The following AFAP1L1 variants were observed in gnomAD, a reference collection of about 807,000 sequenced individuals.
AFAP1L1 encodes the protein actin filament-associated protein 1-like 1.
In AFAP1L1, 77 loss-of-function variants were observed where a neutral mutation model predicts 99.8. The observed-to-expected ratio is 0.77, with a 90% confidence interval of 0.64 to 0.93. The LOEUF is 0.93. AFAP1L1 is among the 40% of genes least tolerant of loss of function. The pLI is 0.00. For synonymous variants in AFAP1L1, 373 were observed against 395.3 expected, an observed-to-expected ratio of 0.94 and a Z score of 0.67; for missense variants, 893 against 996.8, an observed-to-expected ratio of 0.90 and a Z score of 1.40.
At chr5:149,283,774 G>A (rs1755593495) in intron 1 of AFAP1L1, among the ~76,000 whole-genome samples, 1 of 152,182 alleles carries the variant, frequency 6.6e-6, no homozygotes, top group African/African-American at 2.4e-5. Context: ...AACCAAGGGG[G>A]ATTTTTTTTT....
At chr5:149,279,344 C>G (rs1015982549) in intron 1 of AFAP1L1, among the ~76,000 whole-genome samples, 2 of 151,642 alleles carry the variant, frequency 1.3e-5, no homozygotes, top group Middle Eastern at 6.8e-3. Context: ...TGAGTGACCA[C>G]AGATCAGGGA....
intron 9 of AFAP1L1, 122 bp from the exon 10 acceptor site, chr5:149,315,699 C>T (rs1274702945): frequency 1.2e-6 from 1 of 800,940 alleles, no homozygotes; most frequent in Non-Finnish European, 2.1e-6. Flanking sequence ...TAGTTGCTGA[C>T]AAACATTTGT....
intron 1 of AFAP1L1, among the ~76,000 whole-genome samples, chr5:149,278,327 C>T (rs1000434812): frequency 6.6e-6 from 1 of 152,194 alleles, no homozygotes; most frequent in South Asian, 2.1e-4. Context: ...ATCACACCCT[C>T]CACTGAGAAC....
At chr5:149,339,643 C>G (rs556711810) in intron 18 of AFAP1L1, among the ~76,000 whole-genome samples, 1 of 152,158 alleles carries the variant, frequency 6.6e-6, no homozygotes, top group East Asian at 1.9e-4. Context: ...AGACTTGGCC[C>G]ACAGACTATC....
Position 149,299,492 on chromosome 5 carries a change from T to C in AFAP1L1, c.17-17T>C. On this transcript the variant is annotated splice_polypyrimidine_tract_variant and intron_variant, in intron 1 of 18. Transcript: ENST00000296721. The stretch of plus-strand genomic sequence containing the variant: ...GACTGTGCAGCTGTGACTGTGCCCG[T>C]CTGCCTTCCTCCGCAGTGCTGGAGC... The C allele has an allele frequency of 6.2e-7, 1 of 1,613,696 alleles. No individual in the cohort carries two copies. The highest frequency in any genetic ancestry group is 8.5e-7 in the Non-Finnish European group (1 of 1,179,878).
chr5:149,281,446 A>G (rs1481637102), intron 1 of AFAP1L1, among the ~76,000 whole-genome samples: 1 of 152,092 alleles, frequency 6.6e-6, no homozygotes, highest in Non-Finnish European at 1.5e-5. Context: ...GGTTACCACC[A>G]CCCTCCTCAG....
intron 6 of AFAP1L1, among the ~76,000 whole-genome samples, chr5:149,307,011 C>A (rs868018020): frequency 3.0e-4 from 45 of 152,230 alleles, no homozygotes; most frequent in Middle Eastern, 6.8e-3. Context: ...CTTTGGGAGG[C>A]CAAGGCAGGT....
Position 149,302,434 on chromosome 5 carries a change from C to T in AFAP1L1, c.344C>T (p.Pro115Leu), listed in dbSNP as rs770998304. The T allele has an allele frequency of 2.5e-6, 4 of 1,589,300 alleles. No homozygotes were observed. The South Asian group carries it at 4.6e-5, about 18-fold the overall frequency. ...PRLRNAADLP[P>L]PLPNKPPPED... is the part of the protein sequence containing the mutation. ...CCCTTGCAGGCGGCCGACCTGCCTC[C>T]ACCGCTCCCCAACAAGCCTCCCCCT... Residue 115 changes from proline (P) to leucine (L), a missense_variant, in exon 5 of 19, where the codon CCA (proline) becomes CTA (leucine). Coordinates refer to ENST00000296721, the MANE Select transcript of AFAP1L1 (RefSeq NM_152406.4).
intron 5 of AFAP1L1, among the ~76,000 whole-genome samples, chr5:149,306,074 C>T (rs932396275): frequency 1.3e-5 from 2 of 152,064 alleles, no homozygotes; most frequent in African/African-American, 2.4e-5. Context: ...GAATACAGGC[C>T]GGGAGATATG....
At chr5:149,327,982 C>A (rs1251687804) in intron 15 of AFAP1L1, among the ~76,000 whole-genome samples, 1 of 152,086 alleles carries the variant, frequency 6.6e-6, no homozygotes, top group Non-Finnish European at 1.5e-5. Flanking sequence ...AGGAGATCTA[C>A]AAAAGAGACA....
chr5:149,305,347 A>G (rs1180140634), intron 5 of AFAP1L1, among the ~76,000 whole-genome samples: 4 of 152,250 alleles, frequency 2.6e-5, no homozygotes, highest in African/African-American at 9.6e-5. Flanking sequence ...TGAGCTTCAA[A>G]GTATGTTCCA....
Position 149,306,189 on chromosome 5 carries a change from A to G in AFAP1L1, c.437-117A>G, listed in dbSNP as rs192781201. On this transcript the variant is annotated intron_variant, in intron 5 of 18. Coordinates refer to ENST00000296721, the MANE Select transcript of AFAP1L1 (RefSeq NM_152406.4). ...CCTCACACCCTGGCCTGAGCTGCTC[A>G]GAGTGCCTGCTGTCTCTTCCCTGAG... The G allele has an allele frequency of 1.6e-3, 1,251 of 788,058 alleles. 7 individuals carry two copies. The highest frequency in any genetic ancestry group is 1.0e-3 in the Non-Finnish European group (509 of 494,758). 48.8% of individuals were successfully genotyped at this position (788,058 alleles called of 1,614,324 possible). A position where few individuals can be genotyped will look rare whatever the true frequency, so the allele number is the denominator to read the frequency against.
chr5:149,319,640 C>T lies in AFAP1L1; in HGVS notation c.1538C>T (p.Ser513Phe). 2 of 1,613,214 alleles carry T rather than the reference C, an allele frequency of 1.2e-6. No individual in the cohort carries two copies. Among genetic ancestry groups the T allele is most frequent in the Non-Finnish European group, 1.7e-6 (2 of 1,179,996 alleles). Reference sequence around the variant, plus strand: ...GGGCTGCTGCTGGTGGAGATGGGCTCCAGAGTCACTCCGGAGGCGCTGCAC... The same window carrying T: ...GGGCTGCTGCTGGTGGAGATGGGCTTCAGAGTCACTCCGGAGGCGCTGCAC... Reference protein sequence around the residue: ...WLGLLLVEMGSRVTPEALHYD... With the variant: ...WLGLLLVEMGFRVTPEALHYD... The change falls in exon 13 of 19, where the codon TCC becomes TTC. Residue 513 changes from serine to phenylalanine, a missense_variant. Transcript: ENST00000296721.
rs115269073 is a variant in AFAP1L1 at position 149,334,988 on chromosome 5, C to T, written c.2155-606C>T. ...CCTTGCACAGTAATTTGACCTTCCC[C>T]ATTTCCTCACCTATAAAATGGAATG... On this transcript the variant is annotated intron_variant, in intron 17 of 18. Coordinates refer to ENST00000296721, the MANE Select transcript of AFAP1L1 (RefSeq NM_152406.4). Among the ~76,000 whole-genome samples, 299 of 152,288 alleles carry T rather than the reference C, an allele frequency of 2.0e-3. 3 individuals are homozygous for T. The highest frequency in any genetic ancestry group is 6.9e-3 in the African/African-American group (286 of 41,560).
At chr5:149,339,898 C>A in intron 18 of AFAP1L1, 109 bp from the exon 19 acceptor site, 1 of 1,218,906 alleles carries the variant, frequency 8.2e-7, no homozygotes, top group Non-Finnish European at 1.2e-6. Flanking sequence ...GAACCCAACG[C>A]AACCTGGCTA....
At chr5:149,315,546 C>G in intron 9 of AFAP1L1, 1 of 404,506 alleles carries the variant, frequency 2.5e-6, no homozygotes. Context: ...CTGCCAAATA[C>G]AGTCCAAATT....
At chr5:149,304,511 C>G (rs1265588453) in intron 5 of AFAP1L1, among the ~76,000 whole-genome samples, 1 of 152,214 alleles carries the variant, frequency 6.6e-6, no homozygotes, top group Non-Finnish European at 1.5e-5. Flanking sequence ...AACTCACTTC[C>G]CTCTCAGACA....
At position 149,300,275 on chromosome 5, in the gene AFAP1L1, G is replaced by T; in HGVS notation, c.150G>T (p.Lys50Asn). 1 of 1,612,264 alleles carries T rather than the reference G, an allele frequency of 6.2e-7. No individual in the cohort carries two copies. Among genetic ancestry groups the T allele is most frequent in the Non-Finnish European group, 8.5e-7 (1 of 1,179,100 alleles). ...TGTCCCCCTTCTTCCTCACAGCAAA[G>T]GAGGTCTCCTACCTGTATGTGAACA... is the stretch of plus-strand genomic sequence containing the variant. ...ILQSLQPLPA[K>N]EVSYLYVNTA... is the part of the protein sequence containing the mutation. The change falls in exon 3 of 19, where the codon AAG becomes AAT. Residue 50 changes from lysine to asparagine, a missense_variant. Lys to Asn is a moderately conservative substitution (Grantham distance 94). Transcript: ENST00000296721.
chr5:149,343,538 C>T lies in AFAP1L1; in HGVS notation c.*3508C>T, dbSNP rs1009925699. Among the ~76,000 whole-genome samples the T allele has an allele frequency of 1.3e-5, 2 of 152,068 alleles. No homozygotes were observed. Among genetic ancestry groups the T allele is most frequent in the African/African-American group, 4.8e-5 (2 of 41,400 alleles). On this transcript the variant is annotated 3_prime_UTR_variant, in exon 19 of 19. Transcript: ENST00000296721. Reference sequence around the variant, plus strand: ...ACCTACTATACTAGATGTCAGAAATCAGTGGTGAACAAGACAGACACCTCA... The same window carrying T: ...ACCTACTATACTAGATGTCAGAAATTAGTGGTGAACAAGACAGACACCTCA...
Sources: gnomAD v4.1 joint callset for allele counts (sites outside exome capture counted in the v4.1 genomes callset) on GRCh38, gnomAD v4.1.1 for gene constraint, MANE v1.5 for transcripts, NCBI Gene and HGNC (gene_info 2026-07-23, HGNC 2026-07-21) for gene names.